SENP2: variants seen among roughly 807,000 people sequenced by gnomAD.
The protein encoded by SENP2 is SUMO specific peptidase 2.
SENP2 carries 16 observed loss-of-function variants against 86.3 expected under a neutral mutation model. The observed-to-expected ratio is 0.19, with a 90% CI of 0.13 to 0.28. The LOEUF is 0.28. Ranked by LOEUF, SENP2 falls within the 10% of genes least tolerant of loss-of-function variation. SENP2 has a pLI of 1.00. For missense variants in SENP2, 552 were observed against 703.0 expected, an observed-to-expected ratio of 0.79 and a Z score of 2.43; for synonymous variants, 222 against 238.7, an observed-to-expected ratio of 0.93 and a Z score of 0.64.
At chr3:185,619,828 G>A (rs1471963408) in intron 13 of SENP2, among the ~76,000 whole-genome samples, 1 of 151,966 alleles carries the variant, frequency 6.6e-6, no homozygotes, top group Admixed American at 6.6e-5. Flanking sequence ...CCTGGACTCA[G>A]GTGATCCTCC....
intron 2 of SENP2, among the ~76,000 whole-genome samples, chr3:185,598,143 G>A (rs1359586133): frequency 6.6e-6 from 1 of 152,072 alleles, no homozygotes; most frequent in Non-Finnish European, 1.5e-5. Flanking sequence ...CTCCCAGGTA[G>A]CTGGGACTAC....
In SENP2 at chr3:185,612,598, T is replaced by A; in HGVS notation, c.818-9T>A. On this transcript the variant is annotated splice_polypyrimidine_tract_variant and intron_variant, in intron 8 of 16. Transcript: ENST00000296257. ...GAAACATTTAATCTTTTCTTTACCA[T>A]CCTCACAGATAGACTTGTTGAAACA... 6.3e-7 allele frequency: 1 copy of A among 1,596,960 alleles called. No individual in the cohort carries two copies. Among genetic ancestry groups the A allele is most frequent in the Non-Finnish European group, 8.6e-7 (1 of 1,165,008 alleles).
chr3:185,598,186 G>C (rs1722236573), intron 2 of SENP2, among the ~76,000 whole-genome samples: 1 of 151,458 alleles, frequency 6.6e-6, no homozygotes. Context: ...CTAATTTTTT[G>C]TACAAATGGG....
In SENP2 at chr3:185,586,525, A is replaced by C; in HGVS notation, c.101+11A>C. ...GCGGCGCTCAGACAGGTGAGACGAGAGGGGGCTGAGCGCCAGCCTGGCCTT... is the reference window on the plus strand; with the variant it reads ...GCGGCGCTCAGACAGGTGAGACGAGCGGGGGCTGAGCGCCAGCCTGGCCTT... On this transcript the variant is annotated intron_variant, in intron 1 of 16. Coordinates refer to ENST00000296257, the MANE Select transcript of SENP2 (RefSeq NM_021627.3). The surrounding 1 kb of genome is among the most constrained non-coding windows in gnomAD (Gnocchi z 4.3). The C allele has an allele frequency of 6.2e-7, 1 of 1,609,820 alleles. No homozygotes were observed. The highest frequency in any genetic ancestry group is 1.1e-5 in the South Asian group (1 of 91,034).
rs1577753703 is a variant in SENP2 at position 185,630,808 on chromosome 3, T to C, written c.*964T>C. ...CTATTTTTCCTCAGAGTTTTTGTTTTCTATATATTAAGTCTAAATTAAGTT... is the reference window on the plus strand; with the variant it reads ...CTATTTTTCCTCAGAGTTTTTGTTTCCTATATATTAAGTCTAAATTAAGTT... On this transcript the variant is annotated 3_prime_UTR_variant, in exon 17 of 17. Coordinates refer to ENST00000296257, the MANE Select transcript of SENP2 (RefSeq NM_021627.3). The C allele has an allele frequency of 2.0e-5, 3 of 152,486 alleles. No homozygotes were observed. The highest frequency in any genetic ancestry group is 3.8e-4 in the East Asian group (2 of 5,208). The allele number at this position is 152,486 out of a possible 1,614,324, so 9.4% of individuals were successfully genotyped here. A position where few individuals can be genotyped will look rare whatever the true frequency, so the allele number is the denominator to read the frequency against.
intron 13 of SENP2, 154 bp downstream of exon 13, chr3:185,619,656 C>G: frequency 2.3e-6 from 1 of 436,648 alleles, no homozygotes; most frequent in South Asian, 7.9e-5. Context: ...TTTTAATGTC[C>G]CATCCTTCAC....
chr3:185,599,156 A>G, intron 4 of SENP2, 132 bp downstream of exon 4: 1 of 643,080 alleles, frequency 1.6e-6, no homozygotes, highest in East Asian at 2.8e-5. Context: ...CCGTTCTAAA[A>G]AGCAAATAGC....
rs766649916 is a variant in SENP2 at position 185,616,860 on chromosome 3, G to A, written c.1111-620G>A. 1.3e-3 allele frequency among the ~76,000 whole-genome samples: 95 copies of A among 73,580 alleles called. 1 individual carries two copies. Among genetic ancestry groups the A allele is most frequent in the Non-Finnish European group, 4.3e-4 (18 of 41,558 alleles). 48.3% of individuals were successfully genotyped at this position (73,580 alleles called of 152,430 possible). A position where few individuals can be genotyped will look rare whatever the true frequency, so the allele number is the denominator to read the frequency against. The stretch of plus-strand genomic sequence containing the variant: ...AGTCCAGGAAATTAGATGCACCTGG[G>A]TTCAAATCTTCTTCTACCTTTTAAT... On this transcript the variant is annotated intron_variant, in intron 11 of 16. Transcript: ENST00000296257.
intron 2 of SENP2, 134 bp downstream of exon 2, chr3:185,590,303 T>C: frequency 2.8e-6 from 1 of 358,096 alleles, no homozygotes; most frequent in Non-Finnish European, 5.1e-6. Context: ...ATCCTAGCAC[T>C]TTGGGAGGCC....
intron 15 of SENP2, 151 bp downstream of exon 15, chr3:185,624,233 G>A (rs1712035496): frequency 7.0e-6 from 4 of 571,222 alleles, no homozygotes; most frequent in African/African-American, 3.9e-5. Context: ...TGTAGAGATG[G>A]GATCTTGCTT....
chr3:185,606,986 CTT>C (rs10715399), intron 6 of SENP2: 1,950 of 221,510 alleles, frequency 8.8e-3, no homozygotes, highest in South Asian at 0.031. Context: ...TTCTTTTTTC[CTT>C]TTTTTTTTTT....
intron 16 of SENP2, among the ~76,000 whole-genome samples, chr3:185,628,394 T>C (rs558830876): frequency 1.3e-4 from 19 of 151,992 alleles, no homozygotes; most frequent in South Asian, 6.2e-4. Context: ...GCCTTGGCCT[T>C]CCAAAGTGCT....
At chr3:185,617,893 G>A (rs1369651358) in intron 12 of SENP2, among the ~76,000 whole-genome samples, 2 of 152,146 alleles carry the variant, frequency 1.3e-5, no homozygotes, top group Non-Finnish European at 2.9e-5. Context: ...GAAGCAGCAA[G>A]TGATACTGTA....
chr3:185,597,966 A>G (rs1722230280), intron 2 of SENP2, among the ~76,000 whole-genome samples: 1 of 151,560 alleles, frequency 6.6e-6, no homozygotes, highest in African/African-American at 2.4e-5. Context: ...GGAAAGGATT[A>G]TATTGATAAA....
intron 15 of SENP2, among the ~76,000 whole-genome samples, chr3:185,625,379 G>A (rs574082159): frequency 6.6e-6 from 1 of 152,246 alleles, no homozygotes. Flanking sequence ...CCAAAGTGCT[G>A]GGATTACAGG....
At chr3:185,616,405 A>G (rs1366935032) in intron 11 of SENP2, among the ~76,000 whole-genome samples, 2 of 149,084 alleles carry the variant, frequency 1.3e-5, no homozygotes, top group Non-Finnish European at 3.0e-5. Flanking sequence ...TGGGAGGCAG[A>G]GGTTGCAGTG....
Position 185,617,503 on chromosome 3 carries a change from T to G in SENP2, c.1134T>G (p.Asn378Lys). The G allele has an allele frequency of 2.5e-6, 4 of 1,611,010 alleles. No individual in the cohort carries two copies. Among genetic ancestry groups the G allele is most frequent in the Non-Finnish European group, 3.4e-6 (4 of 1,178,580 alleles). ...AGGACATGGAAAAGGAAATCAGTAA[T>G]GCCCTAGGCCATGGCCCACAGGATG... ...LTEDMEKEIS[N>K]ALGHGPQDEI... The change falls in exon 12 of 17, where the codon AAT becomes AAG. Residue 378 changes from asparagine (N) to lysine (K), a missense_variant. Asn to Lys is a moderately conservative substitution (Grantham distance 94). Coordinates refer to ENST00000296257, the MANE Select transcript of SENP2 (RefSeq NM_021627.3).
chr3:185,623,889 T>G, intron 14 of SENP2, 109 bp from the exon 15 acceptor site: 1 of 459,522 alleles, frequency 2.2e-6, no homozygotes. Context: ...CTAATGAATA[T>G]GGATTTGAGA....
At chr3:185,598,617 C>A in intron 3 of SENP2, 72 bp downstream of exon 3, 2 of 1,458,618 alleles carry the variant, frequency 1.4e-6, no homozygotes, top group East Asian at 2.3e-5. Context: ...AAAATTCTCT[C>A]TTCGAGAGTT....
Sources: allele counts gnomAD v4.1 joint callset (sites outside exome capture counted in the v4.1 genomes callset), GRCh38; gene constraint gnomAD v4.1.1; non-coding constraint Gnocchi (gnomAD v3.1); transcripts MANE v1.5; gene names NCBI Gene and HGNC (gene_info 2026-07-23, HGNC 2026-07-21).